Variants in IDO2 observed in about 807,000 individuals in gnomAD.
The protein encoded by IDO2 is indoleamine 2,3-dioxygenase-like 1 protein.
Under a neutral mutation model 45.1 loss-of-function variants are expected in IDO2, and 46 were observed. The observed-to-expected ratio is 1.02, with a 90% confidence interval of 0.80 to 1.30. The LOEUF is 1.30. Among genes scored for constraint, IDO2 ranks in the 50% most tolerant of loss-of-function variants. The probability of loss-of-function intolerance (pLI) is 0.00; values close to 1 mark genes in which losing one functional copy is unlikely to be tolerated. For missense variants in IDO2, 544 were observed against 491.8 expected, an observed-to-expected ratio of 1.11 and a Z score of -1.00; for synonymous variants, 218 against 184.9, an observed-to-expected ratio of 1.18 and a Z score of -1.45.
At position 39,949,085 on chromosome 8, in the gene IDO2, G is replaced by A. The variant is rs529980785; in HGVS notation, c.-17-64G>A. ...CACTGCGCAACTAACTGGAACCGAA[G>A]GATGGAACCTGGGTGTTTAATTTAT... is the stretch of plus-strand genomic sequence containing the variant. On this transcript the variant is annotated intron_variant, in intron 1 of 10. Transcript: ENST00000502986. The A allele has an allele frequency of 9.6e-5, 148 of 1,544,114 alleles. 2 individuals are homozygous for A. In the South Asian group the frequency reaches 1.7e-3, roughly 17 times the overall value.
At chr8:40,005,282 C>T in intron 8 of IDO2, 45 bp from the exon 9 acceptor site, 1 of 1,427,136 alleles carries the variant, frequency 7.0e-7, no homozygotes, top group African/African-American at 1.4e-5. Flanking sequence ...TAACCAATTG[C>T]TTTCTTTGCC....
intron 1 of IDO2, among the ~76,000 whole-genome samples, chr8:39,944,150 T>C (rs1263724201): frequency 1.3e-5 from 2 of 152,160 alleles, no homozygotes; most frequent in Admixed American, 6.5e-5. Flanking sequence ...TATGGATACA[T>C]AAGCATTCAA....
At chr8:40,007,201 A>T (rs528735688) in intron 9 of IDO2, among the ~76,000 whole-genome samples, 42 of 151,988 alleles carry the variant, frequency 2.8e-4, no homozygotes, top group African/African-American at 9.6e-4. Flanking sequence ...AAGTGCTATC[A>T]ATAGAAATAA....
rs1554550427 is a variant in IDO2 at position 40,015,969 on chromosome 8, A to AAAG, written c.*369_*370insGAA. ...TACATTACTTGTTGATTTTCTTAAA[A>AAAG]AACAAATTCACTTAACAATTCATTA... On this transcript the variant is annotated 3_prime_UTR_variant, in exon 11 of 11. Coordinates refer to ENST00000502986, the Ensembl canonical transcript of IDO2. 2.3e-3 allele frequency: 876 copies of AAAG among 372,988 alleles called. 9 individuals are homozygous for AAAG. The highest frequency in any genetic ancestry group is 0.017 in the African/African-American group (831 of 48,226). 23.1% of individuals were successfully genotyped at this position (372,988 alleles called of 1,614,324 possible).
intron 9 of IDO2, 131 bp from the exon 10 acceptor site, chr8:40,013,434 C>T: frequency 1.2e-6 from 1 of 850,714 alleles, no homozygotes; most frequent in South Asian, 1.7e-5. Flanking sequence ...ACAAAGATAC[C>T]CCCAATCCCT....
At chr8:39,959,553 G>A (rs1807962294) in intron 2 of IDO2, among the ~76,000 whole-genome samples, 2 of 71,634 alleles carry the variant, frequency 2.8e-5, no homozygotes, top group South Asian at 1.1e-3. Flanking sequence ...TGGGCACAGT[G>A]GGTCACACCT....
exon 10 of IDO2, chr8:40,013,708 A>G: frequency 1.2e-6 from 2 of 1,604,834 alleles, no homozygotes; most frequent in Non-Finnish European, 1.7e-6. Context: ...CATAGCAAGG[A>G]AAGTGGTAAG....
exon 11 of IDO2, chr8:40,015,801 C>A (rs919639134): frequency 3.5e-6 from 2 of 570,396 alleles, no homozygotes; most frequent in East Asian, 5.6e-5. Context: ...GCCTTTCCCT[C>A]CCTACCTGAT....
At chr8:39,978,550 G>A (rs965469542) in intron 3 of IDO2, among the ~76,000 whole-genome samples, 1 of 152,096 alleles carries the variant, frequency 6.6e-6, no homozygotes, top group Admixed American at 6.5e-5. Context: ...GAGGGCGGGG[G>A]TGGAGGGGGT....
chr8:39,949,171 G>A, exon 2 of IDO2: 1 of 1,606,478 alleles, frequency 6.2e-7, no homozygotes, highest in Non-Finnish European at 8.5e-7. Flanking sequence ...AAATAATGGA[G>A]CCCCACAGAC....
At chr8:40,015,295 C>G (rs768889839) in exon 11 of IDO2, 4 of 1,613,390 alleles carry the variant, frequency 2.5e-6, no homozygotes, top group Non-Finnish European at 2.5e-6. Context: ...TCCCATAAGG[C>G]CTTCATAGAA....
At chr8:39,935,748 C>A (rs1326600587) in intron 1 of IDO2, among the ~76,000 whole-genome samples, 2 of 152,170 alleles carry the variant, frequency 1.3e-5, no homozygotes, top group African/African-American at 4.8e-5. Flanking sequence ...CCTTGCCCAG[C>A]CTGTGCATTA....
At chr8:39,982,620 A>C in intron 4 of IDO2, 32 bp from the exon 5 acceptor site, 1 of 1,381,784 alleles carries the variant, frequency 7.2e-7, no homozygotes, top group East Asian at 2.3e-5. Context: ...GCTTTCTAGA[A>C]TATGCTATTT....
chr8:39,956,712 G>A (rs372733135), intron 2 of IDO2, among the ~76,000 whole-genome samples: 1 of 151,892 alleles, frequency 6.6e-6, no homozygotes, highest in African/African-American at 2.4e-5. Flanking sequence ...TTTGTAGTAG[G>A]CCCTGTGTTA....
At chr8:39,966,026 C>CTTTTTTTTTT (rs59731560) in intron 3 of IDO2, among the ~76,000 whole-genome samples, 1 of 96,510 alleles carries the variant, frequency 1.0e-5, no homozygotes, top group African/African-American at 3.6e-5. Flanking sequence ...TCTATCGCTT[C>CTTTTTTTTTT]TTTTTTTTTT....
At chr8:40,002,404 C>T (rs913662784) in intron 8 of IDO2, among the ~76,000 whole-genome samples, 3 of 152,170 alleles carry the variant, frequency 2.0e-5, no homozygotes, top group African/African-American at 4.8e-5. Flanking sequence ...GAGCAAACCC[C>T]GTCACCTTGC....
At chr8:39,948,511 G>A (rs1428413539) in intron 1 of IDO2, among the ~76,000 whole-genome samples, 2 of 152,146 alleles carry the variant, frequency 1.3e-5, no homozygotes, top group Non-Finnish European at 2.9e-5. Flanking sequence ...TCCTTTACCT[G>A]ACTACATGTT....
intron 8 of IDO2, among the ~76,000 whole-genome samples, chr8:40,004,218 A>T (rs148914972): frequency 2.2e-3 from 339 of 152,302 alleles, no homozygotes; most frequent in African/African-American, 7.8e-3. Flanking sequence ...TGACACCACC[A>T]AGGAGCATCT....
intron 3 of IDO2, 44 bp downstream of exon 3, chr8:39,963,747 C>G: frequency 8.7e-7 from 1 of 1,154,256 alleles, no homozygotes; most frequent in Non-Finnish European, 1.3e-6. Flanking sequence ...TTTTCATCAT[C>G]ATACCACTTT....
Sources: gnomAD v4.1 joint callset for allele counts (sites outside exome capture counted in the v4.1 genomes callset) on GRCh38, gnomAD v4.1.1 for gene constraint, MANE v1.5 for transcripts, NCBI Gene and HGNC (gene_info 2026-07-23, HGNC 2026-07-21) for gene names.